The following ITPKB variants were observed in gnomAD, a reference collection of about 807,000 sequenced individuals.
ITPKB encodes the protein IP3 3-kinase B.
Under a neutral mutation model 69.4 loss-of-function variants are expected in ITPKB, and 13 were observed. The observed-to-expected ratio is 0.19, with a 90% CI of 0.12 to 0.30. The LOEUF is 0.30. Among genes scored for constraint, ITPKB ranks in the 10% least tolerant of loss-of-function variants. The probability of loss-of-function intolerance (pLI) is 1.00; values close to 1 mark genes in which losing one functional copy is unlikely to be tolerated. For missense variants in ITPKB, 1,240 were observed against 1,250.5 expected (o/e 0.99, Z 0.13); for synonymous variants, 584 against 513.7 (o/e 1.14, Z -1.85).
chr1:226,716,666 C>T (rs1332661719), intron 2 of ITPKB, among the ~76,000 whole-genome samples: 5 of 152,166 alleles, frequency 3.3e-5, no homozygotes, highest in African/African-American at 7.2e-5. Context: ...GTTTTCAAAA[C>T]GTACCAAAAC....
At chr1:226,702,588 C>T (rs1007445466) in intron 2 of ITPKB, among the ~76,000 whole-genome samples, 4 of 152,184 alleles carry the variant, frequency 2.6e-5, no homozygotes, top group Admixed American at 6.5e-5. Flanking sequence ...ATTGACTACG[C>T]TTGCACAGTA....
At chr1:226,666,658 T>C (rs1044816335) in intron 2 of ITPKB, among the ~76,000 whole-genome samples, 10 of 152,200 alleles carry the variant, frequency 6.6e-5, no homozygotes, top group African/African-American at 1.9e-4. Flanking sequence ...CAACTCTCCC[T>C]ACGGCTAGCA....
chr1:226,681,066 T>C (rs140649147), intron 2 of ITPKB, among the ~76,000 whole-genome samples: 15 of 152,336 alleles, frequency 9.8e-5, no homozygotes, highest in African/African-American at 3.4e-4. Context: ...AAATTATTCA[T>C]GCCATCCTTG....
intron 2 of ITPKB, among the ~76,000 whole-genome samples, chr1:226,697,214 C>T (rs556127934): frequency 6.6e-6 from 1 of 152,358 alleles, no homozygotes; most frequent in South Asian, 2.1e-4. Flanking sequence ...CCTTTCTGAA[C>T]CTGTTTCCTT....
chr1:226,674,388 G>A (rs1669684470), intron 2 of ITPKB, among the ~76,000 whole-genome samples: 1 of 152,050 alleles, frequency 6.6e-6, no homozygotes, highest in South Asian at 2.1e-4. Context: ...TAGTAGAGAT[G>A]GGGTTTCACC....
Position 226,736,478 on chromosome 1 carries a change from A to G in ITPKB, c.981T>C (p.Ser327=), listed in dbSNP as rs1376538551. Residue 327 remains serine, a synonymous_variant, in exon 2 of 8, where the codon TCT becomes TCC. Transcript: ENST00000429204. ...GGTCCTCAAGCTCACGGGCTCTCCCAGACGGCTCAGTGAGGGCAAGATCCT... is the reference window on the plus strand; with the variant it reads ...GGTCCTCAAGCTCACGGGCTCTCCCGGACGGCTCAGTGAGGGCAAGATCCT... ...RPQDLALTEP[S]GRARELEDLQ... The G allele has an allele frequency of 3.7e-6, 6 of 1,613,794 alleles. No homozygotes were observed. The highest frequency in any genetic ancestry group is 5.1e-6 in the Non-Finnish European group (6 of 1,180,036).
At chr1:226,655,855 G>A (rs867414928) in intron 2 of ITPKB, among the ~76,000 whole-genome samples, 1 of 152,210 alleles carries the variant, frequency 6.6e-6, no homozygotes, top group Admixed American at 6.5e-5. Flanking sequence ...GCAGACACTT[G>A]TATGTCGTGA....
chr1:226,723,758 A>C (rs945269081), intron 2 of ITPKB, among the ~76,000 whole-genome samples: 12 of 152,086 alleles, frequency 7.9e-5, no homozygotes. Context: ...TTCCACCTAC[A>C]AAACAGAATA....
At chr1:226,724,194 A>G (rs1436569329) in intron 2 of ITPKB, among the ~76,000 whole-genome samples, 1 of 152,162 alleles carries the variant, frequency 6.6e-6, no homozygotes, top group Non-Finnish European at 1.5e-5. Flanking sequence ...GGTCTAGGAC[A>G]GAGTGAGGGT....
At chr1:226,664,632 T>C (rs1018964338) in intron 2 of ITPKB, among the ~76,000 whole-genome samples, 25 of 152,172 alleles carry the variant, frequency 1.6e-4, no homozygotes, top group African/African-American at 5.8e-4. Context: ...GGCTGACTTA[T>C]TCCCCTTAAC....
At chr1:226,689,692 T>C (rs1264833175) in intron 2 of ITPKB, among the ~76,000 whole-genome samples, 1 of 152,042 alleles carries the variant, frequency 6.6e-6, no homozygotes, top group East Asian at 1.9e-4. Context: ...CATGGGGGTT[T>C]GTTTTACAGA....
intron 2 of ITPKB, among the ~76,000 whole-genome samples, chr1:226,658,788 G>A (rs890607982): frequency 3.3e-5 from 5 of 152,030 alleles, no homozygotes; most frequent in South Asian, 2.1e-4. Flanking sequence ...GAGCGCTGTC[G>A]GGTTGGTGAA....
At chr1:226,675,860 C>T (rs1669720319) in intron 2 of ITPKB, among the ~76,000 whole-genome samples, 1 of 152,220 alleles carries the variant, frequency 6.6e-6, no homozygotes, top group African/African-American at 2.4e-5. Flanking sequence ...CTCTCGGCTA[C>T]ACTTCCACCT....
chr1:226,720,019 A>G lies in ITPKB; in HGVS notation c.1932+15508T>C, dbSNP rs374114214. Among the ~76,000 whole-genome samples the G allele has an allele frequency of 2.0e-3, 310 of 152,306 alleles. 3 individuals are homozygous for G. The highest frequency in any genetic ancestry group is 6.8e-3 in the African/African-American group (282 of 41,562). On this transcript the variant is annotated intron_variant, in intron 2 of 7. Transcript: ENST00000429204. ...AACCTTTTCCTGCCCTTTAGGGTTA[A>G]GAGTTCTCTTCCAGTTCATCAGCCT...
intron 6 of ITPKB, 151 bp downstream of exon 6, chr1:226,639,406 G>C (rs1218423553): frequency 1.5e-5 from 9 of 616,636 alleles, no homozygotes; most frequent in Non-Finnish European, 2.6e-5. Context: ...AAAAGTCTCT[G>C]CCAGTGGCCT....
At chr1:226,677,154 G>A (rs1267113931) in intron 2 of ITPKB, among the ~76,000 whole-genome samples, 1 of 152,138 alleles carries the variant, frequency 6.6e-6, no homozygotes, top group African/African-American at 2.4e-5. Flanking sequence ...TTACCCCCAG[G>A]GACAGCAGGA....
chr1:226,706,309 A>G (rs1240484612), intron 2 of ITPKB, among the ~76,000 whole-genome samples: 1 of 152,260 alleles, frequency 6.6e-6, no homozygotes, highest in Admixed American at 6.5e-5. Flanking sequence ...TGGGCTGGAC[A>G]GTGGTTTCCT....
intron 2 of ITPKB, among the ~76,000 whole-genome samples, chr1:226,692,093 C>T (rs2102781704): frequency 6.6e-6 from 1 of 152,298 alleles, no homozygotes; most frequent in African/African-American, 2.4e-5. Context: ...ATGCAAGAGC[C>T]TTCAAAACCC....
In ITPKB at chr1:226,637,287, G is replaced by C. The variant is rs1464682024; in HGVS notation, c.2625+392C>G. On this transcript the variant is annotated intron_variant, in intron 7 of 7. Transcript: ENST00000429204. This position sits in a 1 kb window ranked among gnomAD's most constrained non-coding sequence, Gnocchi z 4.3. Reference sequence around the variant, plus strand: ...GAGAGTGGCACCTGAAGACCTGCCTGCCCTCCTCAGGGTCTCATCTGAAGA... The same window carrying C: ...GAGAGTGGCACCTGAAGACCTGCCTCCCCTCCTCAGGGTCTCATCTGAAGA... Among the ~76,000 whole-genome samples, 1 of 152,216 alleles carries C rather than the reference G, an allele frequency of 6.6e-6. No individual in the cohort carries two copies. The highest frequency in any genetic ancestry group is 1.5e-5 in the Non-Finnish European group (1 of 68,038).
Sources: gnomAD v4.1 joint callset for allele counts (sites outside exome capture counted in the v4.1 genomes callset) on GRCh38, gnomAD v4.1.1 for gene constraint, Gnocchi (gnomAD v3.1) non-coding constraint, MANE v1.5 for transcripts, NCBI Gene and HGNC (gene_info 2026-07-23, HGNC 2026-07-21) for gene names.